LIG3: variants seen among roughly 807,000 people sequenced by gnomAD.
LIG3 encodes ligase II, DNA, ATP-dependent.
LIG3 carries 58 observed loss-of-function variants against 110.9 expected under a neutral mutation model. The ratio of observed to expected loss-of-function variants is 0.52; its 90% CI spans 0.42 to 0.65. LIG3 has a LOEUF of 0.65. LIG3 is among the 30% of genes least tolerant of loss of function. The probability of loss-of-function intolerance (pLI) is 0.00; values close to 1 mark genes in which losing one functional copy is unlikely to be tolerated. For synonymous variants in LIG3, 422 were observed against 472.8 expected, an observed-to-expected ratio of 0.89 and a Z score of 1.39; for missense variants, 1,094 against 1,273.8, an observed-to-expected ratio of 0.86 and a Z score of 2.15.
rs2142267884 is a variant in LIG3 at position 34,996,115 on chromosome 17, A to G, written c.1663A>G (p.Met555Val). 1 of 1,614,152 alleles carries G rather than the reference A, an allele frequency of 6.2e-7. No homozygotes were observed. Among genetic ancestry groups the G allele is most frequent in the South Asian group, 1.1e-5 (1 of 91,084 alleles). Residue 555 changes from methionine (M) to valine (V), a missense_variant, in exon 10 of 20, where the codon ATG becomes GTG. Transcript: ENST00000378526. ...IPQAFPGGHS[M>V]ILDSEVLLID... ...CCAGGCTTTTCCTGGGGGCCACAGC[A>G]TGATCTTGGATTCTGAAGTGCTTCT...
In LIG3 at chr17:34,985,968, A is replaced by G. The variant is rs2090650359; in HGVS notation, c.548-20A>G. On this transcript the variant is annotated intron_variant, in intron 2 of 19. Coordinates refer to ENST00000378526, the MANE Select transcript of LIG3 (RefSeq NM_013975.4). ...GATCGTTCACTGAAGGATATTTTAT[A>G]CTCTTTTGGGATCCTACAGATCTGT... is the stretch of plus-strand genomic sequence containing the variant. 5 of 1,608,006 alleles carry G rather than the reference A, an allele frequency of 3.1e-6. No individual in the cohort carries two copies. In the East Asian group the frequency reaches 1.1e-4, roughly 36 times the overall value.
At position 35,005,559 on chromosome 17, in the gene LIG3, C is replaced by G; in HGVS notation, c.*1053C>G. ...AGTATATTATGGAAGGATTTGCATC[C>G]AGCTTCCTGTTTACAATGGGAGGTT... is the stretch of plus-strand genomic sequence containing the variant. On this transcript the variant is annotated 3_prime_UTR_variant, in exon 20 of 20. Coordinates refer to ENST00000378526, the MANE Select transcript of LIG3 (RefSeq NM_013975.4). The G allele has an allele frequency of 1.7e-6, 1 of 579,102 alleles. No homozygotes were observed. Among genetic ancestry groups the G allele is most frequent in the South Asian group, 1.4e-5 (1 of 72,882 alleles). The allele number at this position is 579,102 out of a possible 1,614,324, so 35.9% of individuals were successfully genotyped here.
rs2090894050 is a variant in LIG3 at position 35,006,183 on chromosome 17, A to C, written c.*1677A>C. On this transcript the variant is annotated 3_prime_UTR_variant, in exon 20 of 20. Transcript: ENST00000378526. ...ATTTAGTGTAGACAAGTGCTATTCA[A>C]TAGAACTTTTTGCAGCAGTGGAAAT... The C allele has an allele frequency of 6.5e-6, 1 of 154,806 alleles. No homozygotes were observed. The highest frequency in any genetic ancestry group is 2.4e-5 in the African/African-American group (1 of 41,464). 9.6% of individuals were successfully genotyped at this position (154,806 alleles called of 1,614,324 possible). A position where few individuals can be genotyped will look rare whatever the true frequency, so the allele number is the denominator to read the frequency against.
intron 4 of LIG3, among the ~76,000 whole-genome samples, chr17:34,990,095 A>G (rs1163041703): frequency 2.0e-5 from 3 of 152,200 alleles, no homozygotes; most frequent in African/African-American, 7.2e-5. Flanking sequence ...GTCACTGGGC[A>G]CGTGAAGTGA....
At position 35,008,204 on chromosome 17, in the gene LIG3, C is replaced by A. The variant is rs2090909050; in HGVS notation, c.*3698C>A. On this transcript the variant is annotated 3_prime_UTR_variant, in exon 20 of 20. Coordinates refer to ENST00000378526, the MANE Select transcript of LIG3 (RefSeq NM_013975.4). ...TTCTAGATCAGTGTAAATATCTGAA[C>A]TCACTTGGTGCTTCAACCCAATTGG... 1 of 152,246 alleles carries A rather than the reference C, an allele frequency of 6.6e-6. No homozygotes were observed. The highest frequency in any genetic ancestry group is 2.1e-4 in the South Asian group (1 of 4,834). The allele number at this position is 152,246 out of a possible 1,614,324, so 9.4% of individuals were successfully genotyped here.
At chr17:34,995,225 T>C (rs764677922) in intron 9 of LIG3, among the ~76,000 whole-genome samples, 9 of 152,166 alleles carry the variant, frequency 5.9e-5, no homozygotes, top group African/African-American at 2.2e-4. Context: ...TGCTGGAGCA[T>C]TGGGAACAAA....
chr17:34,990,911 ATATT>A, intron 4 of LIG3, 48 bp from the exon 5 acceptor site: 3 of 1,575,944 alleles, frequency 1.9e-6, no homozygotes, highest in Non-Finnish European at 2.6e-6. Context: ...TTGAGTTTAT[ATATT>A]TATTTGTTTA....
Position 35,005,498 on chromosome 17 carries a change from G to A in LIG3, c.*992G>A. On this transcript the variant is annotated 3_prime_UTR_variant, in exon 20 of 20. Coordinates refer to ENST00000378526, the MANE Select transcript of LIG3 (RefSeq NM_013975.4). ...TTGGCTGATGAACGTGGGCATCAGAGGCCAGTAGCTTTCTTGGCCTACAAA... is the reference window on the plus strand; with the variant it reads ...TTGGCTGATGAACGTGGGCATCAGAAGCCAGTAGCTTTCTTGGCCTACAAA... The A allele has an allele frequency of 1.8e-6, 1 of 566,072 alleles. No individual in the cohort carries two copies. The highest frequency in any genetic ancestry group is 3.6e-6 in the Non-Finnish European group (1 of 279,996). The allele number at this position is 566,072 out of a possible 1,614,324, so 35.1% of individuals were successfully genotyped here.
Position 34,980,633 on chromosome 17 carries a change from A to ACGCGGCGCGG in LIG3, c.-5+13_-5+22dup, listed in dbSNP as rs1259049298. 3.2e-6 allele frequency: 4 copies of ACGCGGCGCGG among 1,261,530 alleles called. No individual in the cohort carries two copies. The highest frequency in any genetic ancestry group is 1.6e-5 in the African/African-American group (1 of 63,394). 78.1% of individuals were successfully genotyped at this position (1,261,530 alleles called of 1,614,324 possible). A position where few individuals can be genotyped will look rare whatever the true frequency, so the allele number is the denominator to read the frequency against. On this transcript the variant is annotated intron_variant, in intron 1 of 19. Coordinates refer to ENST00000378526, the MANE Select transcript of LIG3 (RefSeq NM_013975.4). ...GAGCCGGAGAGGCAGGTGAGGGGCTACGCGGCGCGGCACGGCGCGGCGGGG... is the reference window on the plus strand; with the variant it reads ...GAGCCGGAGAGGCAGGTGAGGGGCTACGCGGCGCGGCGCGGCGCGGCACGGCGCGGCGGGG...
chr17:34,998,300 A>G lies in LIG3; in HGVS notation c.1989+4A>G, dbSNP rs1323922446. The G allele has an allele frequency of 6.2e-7, 1 of 1,611,374 alleles. No homozygotes were observed. The highest frequency in any genetic ancestry group is 1.1e-5 in the South Asian group (1 of 90,776). On this transcript the variant is annotated splice_donor_region_variant and intron_variant, in intron 13 of 19. Transcript: ENST00000378526. ...GCTGGTGCTGAAGGATGTGAAGGTA[A>G]AGTGGCCTCGCTTGGCTTCTCCTGT... is the stretch of plus-strand genomic sequence containing the variant.
intron 19 of LIG3, 143 bp downstream of exon 19, chr17:35,002,932 CCT>C: frequency 6.2e-7 from 1 of 1,610,226 alleles, no homozygotes; most frequent in Non-Finnish European, 8.5e-7. Context: ...TGCAGCCACT[CCT>C]CTGTCGTGGG....
intron 19 of LIG3, chr17:35,003,306 C>CT (rs375089909): frequency 0.034 from 17,667 of 517,926 alleles, 50 homozygotes; most frequent in African/African-American, 0.055. Flanking sequence ...CTGAGCAATT[C>CT]TTTTTTTTTT....
In LIG3 at chr17:34,991,766, G is replaced by T; in HGVS notation, c.1137G>T (p.Glu379Asp). Residue 379 changes from glutamate (E) to aspartate (D), a missense_variant, in exon 6 of 20, where the codon GAG becomes GAT. Coordinates refer to ENST00000378526, the MANE Select transcript of LIG3 (RefSeq NM_013975.4). ...TCCTTACCATCCAGGAAGTGGATGA[G>T]TTCCTTCTGCGGCTGTCCAAGCTCA... ...KSLLTIQEVD[E>D]FLLRLSKLTK... 1 of 1,614,122 alleles carries T rather than the reference G, an allele frequency of 6.2e-7. No homozygotes were observed. The highest frequency in any genetic ancestry group is 8.5e-7 in the Non-Finnish European group (1 of 1,180,028).
chr17:35,005,486 G>A lies in LIG3; in HGVS notation c.*980G>A, dbSNP rs565261220. 2.0e-5 allele frequency: 11 copies of A among 562,338 alleles called. No individual in the cohort carries two copies. Among genetic ancestry groups the A allele is most frequent in the African/African-American group, 1.1e-4 (6 of 53,002 alleles). The allele number at this position is 562,338 out of a possible 1,614,324, so 34.8% of individuals were successfully genotyped here. A position where few individuals can be genotyped will look rare whatever the true frequency, so the allele number is the denominator to read the frequency against. On this transcript the variant is annotated 3_prime_UTR_variant, in exon 20 of 20. Transcript: ENST00000378526. ...AACCCCCAAGTATTGGCTGATGAAC[G>A]TGGGCATCAGAGGCCAGTAGCTTTC...
chr17:34,995,088 T>C (rs905655766), intron 9 of LIG3, among the ~76,000 whole-genome samples: 1 of 152,318 alleles, frequency 6.6e-6, no homozygotes, highest in South Asian at 2.1e-4. Flanking sequence ...CTCCGGTAGC[T>C]TGTGAGCAGA....
chr17:34,980,562 C>T lies in LIG3; in HGVS notation c.-65C>T, dbSNP rs1484232304. ...CAGGCGCTCCAACCGTCGTGGGCTG[C>T]CCGCGGCCTGTAATGAGCAAGTTCC... On this transcript the variant is annotated 5_prime_UTR_variant, in exon 1 of 20. Coordinates refer to ENST00000378526, the MANE Select transcript of LIG3 (RefSeq NM_013975.4). 8 of 1,287,642 alleles carry T rather than the reference C, an allele frequency of 6.2e-6. No homozygotes were observed. In the Admixed American group the frequency reaches 9.2e-5, roughly 15 times the overall value. 79.8% of individuals were successfully genotyped at this position (1,287,642 alleles called of 1,614,324 possible).
intron 10 of LIG3, 51 bp downstream of exon 10, chr17:34,996,246 G>C: frequency 6.3e-7 from 1 of 1,586,694 alleles, no homozygotes; most frequent in Non-Finnish European, 8.6e-7. Flanking sequence ...GAGTGAGTAT[G>C]TACATGTGGG....
chr17:35,002,002 A>G lies in LIG3; in HGVS notation c.2572A>G (p.Lys858Glu). 1 of 1,613,008 alleles carries G rather than the reference A, an allele frequency of 6.2e-7. No homozygotes were observed. Among genetic ancestry groups the G allele is most frequent in the Non-Finnish European group, 8.5e-7 (1 of 1,179,542 alleles). The change falls in exon 18 of 20, where the codon AAG becomes GAG. Residue 858 changes from lysine to glutamate, a missense_variant. Transcript: ENST00000378526. Reference sequence around the variant, plus strand: ...TACAGGGGGTAGCAGTGAAGAGAATAAGGGTCCCTCAGGGTCTGCTGTGTC... The same window carrying G: ...TACAGGGGGTAGCAGTGAAGAGAATGAGGGTCCCTCAGGGTCTGCTGTGTC... ...STTGGSSEEN[K>E]GPSGSAVSRK...
rs1469016951 is a variant in LIG3, at chr17:35,000,227, T to C, written c.2331+371T>C. 9.2e-5 allele frequency among the ~76,000 whole-genome samples: 14 copies of C among 152,312 alleles called. No homozygotes were observed. The East Asian group carries it at 2.7e-3, about 29-fold the overall frequency. ...CAGCAGCAGAACTAGGACCCAAGTT[T>C]CCCAGCTGTTAGCCAAAGCTTTTTT... On this transcript the variant is annotated intron_variant, in intron 16 of 19. Transcript: ENST00000378526.
Sources: gnomAD v4.1 joint callset for allele counts (sites outside exome capture counted in the v4.1 genomes callset) on GRCh38, gnomAD v4.1.1 for gene constraint, MANE v1.5 for transcripts, NCBI Gene and HGNC (gene_info 2026-07-23, HGNC 2026-07-21) for gene names.